ECPAS: variants seen among roughly 807,000 people sequenced by gnomAD.
The protein encoded by ECPAS is proteasome adapter and scaffold protein ECM29.
ECPAS carries 70 observed loss-of-function variants against 255.1 expected under a neutral mutation model. That is an observed-to-expected ratio of 0.27 (90% CI 0.23 to 0.33). The LOEUF (loss-of-function observed/expected upper bound fraction) is 0.33, where lower values mean the gene tolerates loss of function less well. Ranked by LOEUF, ECPAS falls within the 10% of genes least tolerant of loss-of-function variation. The pLI is 1.00. For missense variants in ECPAS, 1,817 were observed against 2,206.4 expected, an observed-to-expected ratio of 0.82 and a Z score of 3.54; for synonymous variants, 784 against 775.0, an observed-to-expected ratio of 1.01 and a Z score of -0.19.
At position 111,370,719 on chromosome 9, in the gene ECPAS, T is replaced by G; in HGVS notation, c.4781+3A>C. The G allele has an allele frequency of 6.2e-7, 1 of 1,607,816 alleles. No homozygotes were observed. The highest frequency in any genetic ancestry group is 8.5e-7 in the Non-Finnish European group (1 of 1,177,050). On this transcript the variant is annotated splice_donor_region_variant and intron_variant, in intron 44 of 49. Coordinates refer to ENST00000684092, the MANE Select transcript of ECPAS (RefSeq NM_001364929.1). ...ATGGCATCTTCATTGAAAGAACATT[T>G]ACCTGCAAGCTGTCACCACACAGGC... is the stretch of plus-strand genomic sequence containing the variant.
chr9:111,369,734 C>CT (rs1554775802), intron 45 of ECPAS, among the ~76,000 whole-genome samples: 34 of 151,944 alleles, frequency 2.2e-4, no homozygotes, highest in African/African-American at 8.0e-4. Context: ...AAACCACACC[C>CT]TTTTTTTTGG....
intron 7 of ECPAS, among the ~76,000 whole-genome samples, chr9:111,434,917 T>TTTTTTTC (rs1554794299): frequency 1.4e-5 from 2 of 141,622 alleles, no homozygotes. Flanking sequence ...TTTTTTTTTT[T>TTTTTTTC]ACACAGAGTC....
chr9:111,444,231 T>C (rs1053067046), intron 4 of ECPAS, 147 bp downstream of exon 4: 8 of 575,976 alleles, frequency 1.4e-5, no homozygotes, highest in Non-Finnish European at 2.5e-5. Context: ...AAAAACAGTG[T>C]GTCATTTAAA....
chr9:111,426,554 C>T (rs140546530), intron 10 of ECPAS, among the ~76,000 whole-genome samples: 33 of 151,986 alleles, frequency 2.2e-4, no homozygotes, highest in Non-Finnish European at 1.2e-4. Context: ...TTAAGAGATA[C>T]ACACATTAAA....
intron 3 of ECPAS, among the ~76,000 whole-genome samples, chr9:111,447,109 T>A (rs1040613295): frequency 3.9e-5 from 6 of 152,034 alleles, no homozygotes; most frequent in African/African-American, 7.2e-5. Context: ...TGCTTTTTTT[T>A]AATAATAAAT....
chr9:111,456,894 T>C (rs2098267605), intron 2 of ECPAS, among the ~76,000 whole-genome samples: 1 of 152,158 alleles, frequency 6.6e-6, no homozygotes, highest in South Asian at 2.1e-4. Context: ...ATATGATAAC[T>C]GCATGTAGAA....
At chr9:111,457,703 T>C (rs1021193756) in intron 2 of ECPAS, among the ~76,000 whole-genome samples, 3 of 152,082 alleles carry the variant, frequency 2.0e-5, no homozygotes, top group African/African-American at 7.2e-5. Context: ...AGAAGAAAAT[T>C]GACTGGTAAA....
intron 2 of ECPAS, among the ~76,000 whole-genome samples, chr9:111,459,708 T>C (rs758888220): frequency 8.5e-5 from 13 of 152,212 alleles, no homozygotes; most frequent in Non-Finnish European, 1.9e-4. Flanking sequence ...GGGGCTTTTT[T>C]AATTACTTCT....
rs368015543 is a variant in ECPAS at position 111,422,190 on chromosome 9, G to T, written c.1276C>A (p.His426Asn). Residue 426 changes from histidine to asparagine, a missense_variant, in exon 14 of 50, where the codon CAT (histidine) becomes AAT (asparagine). By Grantham distance (68) the His-to-Asn change is moderately conservative. Around this residue, in one of 4 missense-constraint regions of ECPAS, gnomAD observed 573 missense variants for 716.2 expected, o/e 0.80. Coordinates refer to ENST00000684092, the MANE Select transcript of ECPAS (RefSeq NM_001364929.1). ...AVGKLSSRMP[H>N]LFTKDIALVQ... is the part of the protein sequence containing the mutation. ...AGCGCTATATCCTTAGTGAATAAAT[G>T]TGGCATCCGACTGCAAAAGAATGTA... 59 of 1,613,278 alleles carry T rather than the reference G, an allele frequency of 3.7e-5. No homozygotes were observed. The highest frequency in any genetic ancestry group is 4.7e-5 in the Non-Finnish European group (56 of 1,179,532).
At chr9:111,384,059 T>C (rs2098144007) in intron 34 of ECPAS, among the ~76,000 whole-genome samples, 1 of 152,202 alleles carries the variant, frequency 6.6e-6, no homozygotes, top group Non-Finnish European at 1.5e-5. Flanking sequence ...AAAACACCTG[T>C]ATTTAAAACC....
chr9:111,409,714 A>C (rs2098191003), intron 23 of ECPAS, among the ~76,000 whole-genome samples: 2 of 152,222 alleles, frequency 1.3e-5, no homozygotes, highest in South Asian at 4.1e-4. Flanking sequence ...AAATAAAAAA[A>C]AAATCACAAA....
At chr9:111,422,317 T>A in intron 13 of ECPAS, 117 bp from the exon 14 acceptor site, 1 of 1,116,474 alleles carries the variant, frequency 9.0e-7, no homozygotes, top group Non-Finnish European at 1.3e-6. Context: ...TCAGCATCAT[T>A]ACCCGCTCTG....
chr9:111,475,027 T>TG (rs1375193665), intron 1 of ECPAS, among the ~76,000 whole-genome samples: 2 of 152,236 alleles, frequency 1.3e-5, no homozygotes, highest in African/African-American at 4.8e-5. Flanking sequence ...CAGCTCAAGC[T>TG]ATTTTTCCTT....
In ECPAS at chr9:111,374,045, G is replaced by A; in HGVS notation, c.4111-7C>T. The A allele has an allele frequency of 6.2e-7, 1 of 1,609,888 alleles. No homozygotes were observed. The highest frequency in any genetic ancestry group is 8.5e-7 in the Non-Finnish European group (1 of 1,176,332). On this transcript the variant is annotated splice_polypyrimidine_tract_variant and splice_region_variant and intron_variant, in intron 38 of 49. Transcript: ENST00000684092. ...TGACACTGGCACAGCCACCCTACAG[G>A]GTTACAAAAGCAAAGGTCTAAATCT...
intron 32 of ECPAS, 83 bp downstream of exon 32, chr9:111,386,294 T>G: frequency 1.1e-6 from 1 of 904,008 alleles, no homozygotes; most frequent in Non-Finnish European, 1.8e-6. Context: ...TTATTCCTTT[T>G]GCACAAAGTA....
At chr9:111,480,381 T>A (rs2098302971) in intron 1 of ECPAS, among the ~76,000 whole-genome samples, 1 of 147,176 alleles carries the variant, frequency 6.8e-6, no homozygotes, top group East Asian at 2.1e-4. Flanking sequence ...CACTGGAACT[T>A]CCACCTCACA....
At chr9:111,433,212 A>G (rs1333197459) in intron 8 of ECPAS, 21 bp downstream of exon 8, 1 of 1,604,186 alleles carries the variant, frequency 6.2e-7, no homozygotes, top group East Asian at 2.2e-5. Context: ...CAATCTTGAA[A>G]GTTTACAGGG....
chr9:111,401,901 G>C (rs1206245210), intron 24 of ECPAS, among the ~76,000 whole-genome samples: 3 of 152,148 alleles, frequency 2.0e-5, no homozygotes, highest in Non-Finnish European at 2.9e-5. Flanking sequence ...CTGTTATTCT[G>C]TTCTTTTTCA....
intron 1 of ECPAS, chr9:111,483,585 G>A (rs1210596444): frequency 7.0e-6 from 4 of 571,746 alleles, no homozygotes; most frequent in African/African-American, 6.2e-5. Context: ...GGGGGGGCAG[G>A]GCGCGGCCGG....
Sources: gnomAD v4.1 joint callset for allele counts (sites outside exome capture counted in the v4.1 genomes callset) on GRCh38, gnomAD v4.1.1 for gene constraint, gnomAD v4.1.1 regional missense constraint, MANE v1.5 for transcripts, NCBI Gene and HGNC (gene_info 2026-07-23, HGNC 2026-07-21) for gene names.